GPNMB: variants seen among roughly 807,000 people sequenced by gnomAD.
The protein encoded by GPNMB is transmembrane glycoprotein NMB.
In GPNMB, 71 loss-of-function variants were observed where a neutral mutation model predicts 57.3. That is an observed-to-expected ratio of 1.24 (90% CI 1.02 to 1.51). The LOEUF is 1.51. Ranked by LOEUF, GPNMB falls within the 40% of genes most tolerant of loss-of-function variation. The pLI, the probability that GPNMB is intolerant of heterozygous loss-of-function variation, is 0.00. For synonymous variants in GPNMB, 253 were observed against 263.2 expected, an observed-to-expected ratio of 0.96 and a Z score of 0.38; for missense variants, 677 against 691.9, an observed-to-expected ratio of 0.98 and a Z score of 0.24.
chr7:23,272,433 G>C (rs778994782), intron 9 of GPNMB, among the ~76,000 whole-genome samples: 3 of 152,020 alleles, frequency 2.0e-5, no homozygotes, highest in Non-Finnish European at 2.9e-5. Flanking sequence ...AGTCCAGCCT[G>C]GGCAGCACAG....
intron 3 of GPNMB, among the ~76,000 whole-genome samples, chr7:23,254,739 C>T (rs1306816366): frequency 2.0e-5 from 3 of 152,140 alleles, no homozygotes; most frequent in Non-Finnish European, 4.4e-5. Context: ...GTGTAGCTGG[C>T]GCAAATGCTA....
At position 23,266,614 on chromosome 7, in the gene GPNMB, A is replaced by T. The variant is rs1241777804; in HGVS notation, c.1116A>T (p.Val372=). Residue 372 remains valine, a splice_region_variant and synonymous_variant, in exon 7 of 11, where the codon GTA becomes GTT. Transcript: ENST00000258733. ...YGHFQATITI[V]EGILEVNIIQ... The stretch of plus-strand genomic sequence containing the variant: ...ACTTTCAAGCCACCATCACAATTGT[A>T]GGTAAGGCTGAAGATGATGACCAGT... 3 of 1,613,540 alleles carry T rather than the reference A, an allele frequency of 1.9e-6. No homozygotes were observed. The highest frequency in any genetic ancestry group is 1.6e-4 in the Middle Eastern group (1 of 6,062).
At chr7:23,267,088 C>T (rs1255168587) in intron 7 of GPNMB, among the ~76,000 whole-genome samples, 1 of 152,234 alleles carries the variant, frequency 6.6e-6, no homozygotes, top group Non-Finnish European at 1.5e-5. Context: ...AACTGAAGCC[C>T]AACCTGTGCT....
chr7:23,265,987 C>T (rs1053552496), intron 6 of GPNMB, among the ~76,000 whole-genome samples: 1 of 151,516 alleles, frequency 6.6e-6, no homozygotes, highest in Non-Finnish European at 1.5e-5. Flanking sequence ...CTCGCTCTGT[C>T]ACCCAGGCTG....
In GPNMB at chr7:23,254,327, T is replaced by G. The variant is rs745988149; in HGVS notation, c.367+15T>G. On this transcript the variant is annotated intron_variant, in intron 3 of 10. Coordinates refer to ENST00000258733, the MANE Select transcript of GPNMB (RefSeq NM_002510.3). ...CTGCAGAAATGGTAAGAACACAGTATTCTCCTAAACTACTGGAGACCCAGT... is the reference window on the plus strand; with the variant it reads ...CTGCAGAAATGGTAAGAACACAGTAGTCTCCTAAACTACTGGAGACCCAGT... 1.9e-6 allele frequency: 3 copies of G among 1,608,236 alleles called. No individual in the cohort carries two copies. The highest frequency in any genetic ancestry group is 2.6e-6 in the Non-Finnish European group (3 of 1,175,298).
chr7:23,265,453 G>A (rs1337228328), intron 6 of GPNMB, among the ~76,000 whole-genome samples: 1 of 151,702 alleles, frequency 6.6e-6, no homozygotes, highest in East Asian at 1.9e-4. Flanking sequence ...ATTAGAGCCT[G>A]TTAAATTGTA....
At position 23,274,796 on chromosome 7, in the gene GPNMB, A is replaced by G. The variant is rs1313488185; in HGVS notation, c.*572A>G. On this transcript the variant is annotated 3_prime_UTR_variant, in exon 11 of 11. Coordinates refer to ENST00000258733, the MANE Select transcript of GPNMB (RefSeq NM_002510.3). ...AATGGGTGGGAGTATTTTGGTGACA[A>G]CCTACTTTGCTTGGCTGAGTGAAGG... The G allele has an allele frequency of 6.6e-6, 1 of 152,184 alleles. No individual in the cohort carries two copies. The highest frequency in any genetic ancestry group is 1.5e-5 in the Non-Finnish European group (1 of 68,076). The allele number at this position is 152,184 out of a possible 1,614,324, so 9.4% of individuals were successfully genotyped here. A position where few individuals can be genotyped will look rare whatever the true frequency, so the allele number is the denominator to read the frequency against.
intron 9 of GPNMB, among the ~76,000 whole-genome samples, chr7:23,271,338 C>T (rs1039291068): frequency 6.6e-6 from 1 of 152,166 alleles, no homozygotes; most frequent in Non-Finnish European, 1.5e-5. Flanking sequence ...GTGGGGGACC[C>T]CTGCGTTAAA....
chr7:23,253,242 T>C, intron 1 of GPNMB, 65 bp from the exon 2 acceptor site: 1 of 1,401,026 alleles, frequency 7.1e-7, no homozygotes, highest in South Asian at 1.3e-5. Flanking sequence ...AAATAAAAAG[T>C]TTCTTTAACC....
chr7:23,272,560 G>A (rs557710545), intron 9 of GPNMB, among the ~76,000 whole-genome samples: 2 of 152,250 alleles, frequency 1.3e-5, no homozygotes, highest in South Asian at 4.1e-4. Context: ...AATTCAGTGG[G>A]GATTGCAGCT....
intron 9 of GPNMB, among the ~76,000 whole-genome samples, chr7:23,271,866 T>C (rs573504723): frequency 6.6e-6 from 1 of 152,106 alleles, no homozygotes; most frequent in Non-Finnish European, 1.5e-5. Flanking sequence ...GCAGTTTTAA[T>C]CCCATTAAAA....
At chr7:23,256,354 A>G (rs969442263) in intron 3 of GPNMB, among the ~76,000 whole-genome samples, 2 of 152,232 alleles carry the variant, frequency 1.3e-5, no homozygotes, top group South Asian at 2.1e-4. Flanking sequence ...ATATATATCT[A>G]TCTACATCTA....
intron 6 of GPNMB, chr7:23,266,080 C>T (rs1288128643): frequency 1.3e-5 from 2 of 158,712 alleles, no homozygotes; most frequent in Non-Finnish European, 2.8e-5. Flanking sequence ...TCCTGAGTAG[C>T]TGGGACTACA....
At chr7:23,254,118 A>G in intron 2 of GPNMB, 51 bp from the exon 3 acceptor site, 1 of 1,559,384 alleles carries the variant, frequency 6.4e-7, no homozygotes, top group Non-Finnish European at 8.7e-7. Flanking sequence ...ATGTTTATGA[A>G]CGAAAGGAAA....
intron 1 of GPNMB, among the ~76,000 whole-genome samples, chr7:23,249,849 T>C (rs762747496): frequency 6.6e-6 from 1 of 152,240 alleles, no homozygotes. Context: ...GGTTGTATGA[T>C]AGTTGCATGT....
At chr7:23,247,739 A>T (rs1362532642) in intron 1 of GPNMB, 1 of 152,210 alleles carries the variant, frequency 6.6e-6, no homozygotes, top group Non-Finnish European at 1.5e-5. Context: ...GCCCCGGCCC[A>T]GGAGACCCCG....
At chr7:23,267,426 C>T (rs952560641) in intron 7 of GPNMB, among the ~76,000 whole-genome samples, 2 of 152,106 alleles carry the variant, frequency 1.3e-5, no homozygotes, top group African/African-American at 4.8e-5. Flanking sequence ...TTTTCACTTT[C>T]TGATGTCTTA....
intron 4 of GPNMB, among the ~76,000 whole-genome samples, chr7:23,259,748 T>G (rs530883872): frequency 6.6e-6 from 1 of 152,316 alleles, no homozygotes; most frequent in African/African-American, 2.4e-5. Flanking sequence ...ACTAAACAGC[T>G]TTTTAAATTT....
intron 6 of GPNMB, among the ~76,000 whole-genome samples, chr7:23,261,486 A>G (rs1350544066): frequency 6.6e-6 from 1 of 152,154 alleles, no homozygotes; most frequent in African/African-American, 2.4e-5. Context: ...TTGTAGGAAC[A>G]TGGATGAAGC....
Sources: allele counts gnomAD v4.1 joint callset (sites outside exome capture counted in the v4.1 genomes callset), GRCh38; gene constraint gnomAD v4.1.1; transcripts MANE v1.5; gene names NCBI Gene and HGNC (gene_info 2026-07-23, HGNC 2026-07-21).